CDH13: variants seen among roughly 807,000 people sequenced by gnomAD.
CDH13 encodes the protein cadherin 13.
In CDH13, 24 loss-of-function variants were observed where a neutral mutation model predicts 63.8. That is an observed-to-expected ratio of 0.38 (90% CI 0.27 to 0.53). CDH13 has a LOEUF of 0.53. CDH13 is among the 20% of genes least tolerant of loss of function. CDH13 has a pLI of 0.85. For missense variants in CDH13, 1,049 were observed against 903.1 expected, an observed-to-expected ratio of 1.16 and a Z score of -2.07; for synonymous variants, 503 against 355.3, an observed-to-expected ratio of 1.42 and a Z score of -4.67.
chr16:82,939,773 T>A (rs2042777187), intron 2 of CDH13, among the ~76,000 whole-genome samples: 1 of 152,178 alleles, frequency 6.6e-6, no homozygotes, highest in Non-Finnish European at 1.5e-5. Flanking sequence ...TAAACCCATT[T>A]CTCTAATGCT....
chr16:82,907,886 C>G (rs978512928), intron 2 of CDH13, among the ~76,000 whole-genome samples: 1 of 152,144 alleles, frequency 6.6e-6, no homozygotes, highest in East Asian at 1.9e-4. Flanking sequence ...TGAATGCAAA[C>G]CATGGGCTGA....
Position 82,918,506 on chromosome 16 carries a change from CTTT to C in CDH13, c.157+60051_157+60053del, listed in dbSNP as rs34099579. ...GGGTCAAAAGGTATGTACACTTTCA[CTTT>C]TTTTTTTTTTTTTTTTTGAGACATA... On this transcript the variant is annotated intron_variant, in intron 2 of 13. Transcript: ENST00000567109. 8.3e-3 allele frequency among the ~76,000 whole-genome samples: 998 copies of C among 119,676 alleles called. 7 individuals carry two copies. Among genetic ancestry groups the C allele is most frequent in the African/African-American group, 0.029 (948 of 32,722 alleles). The allele number at this position is 119,676 out of a possible 152,430, so 78.5% of individuals were successfully genotyped here.
chr16:82,699,241 G>C (rs1012957889), intron 1 of CDH13, among the ~76,000 whole-genome samples: 14 of 152,176 alleles, frequency 9.2e-5, no homozygotes, highest in Non-Finnish European at 1.8e-4. Context: ...AGTAGGGCCA[G>C]GGAGGGTCAC....
chr16:82,757,038 C>T (rs2034637154), intron 1 of CDH13, among the ~76,000 whole-genome samples: 1 of 152,084 alleles, frequency 6.6e-6, no homozygotes, highest in South Asian at 2.1e-4. Context: ...TGTTACTTGC[C>T]CATCAGGATC....
At chr16:82,734,707 A>ACT (rs1431849222) in intron 1 of CDH13, among the ~76,000 whole-genome samples, 2 of 152,134 alleles carry the variant, frequency 1.3e-5, no homozygotes, top group African/African-American at 2.4e-5. Context: ...AACCTTGGCC[A>ACT]CTCTCTAGGA....
At chr16:82,814,439 T>C (rs1020512618) in intron 1 of CDH13, among the ~76,000 whole-genome samples, 3 of 152,068 alleles carry the variant, frequency 2.0e-5, no homozygotes, top group African/African-American at 7.2e-5. Context: ...ACTGAGTTGA[T>C]CACCAACGGT....
intron 1 of CDH13, among the ~76,000 whole-genome samples, chr16:82,762,435 G>C (rs913499890): frequency 6.6e-6 from 1 of 152,144 alleles, no homozygotes; most frequent in South Asian, 2.1e-4. Flanking sequence ...TAGCTAAAGG[G>C]AGCTACCACA....
intron 5 of CDH13, among the ~76,000 whole-genome samples, chr16:83,329,353 G>A (rs1364684636): frequency 6.6e-6 from 1 of 151,912 alleles, no homozygotes; most frequent in African/African-American, 2.4e-5. Context: ...AGCCTCCTGA[G>A]TAGCTGTGAC....
intron 2 of CDH13, among the ~76,000 whole-genome samples, chr16:82,877,780 A>G (rs972385727): frequency 1.4e-5 from 2 of 142,472 alleles, no homozygotes; most frequent in African/African-American, 5.3e-5. Flanking sequence ...TGCTTTACAC[A>G]CAGCCACCTC....
chr16:83,141,171 C>T (rs151055328), intron 4 of CDH13, among the ~76,000 whole-genome samples: 1 of 152,196 alleles, frequency 6.6e-6, no homozygotes, highest in Non-Finnish European at 1.5e-5. Context: ...GCCGGAGGGG[C>T]TCTGGAGGTG....
intron 7 of CDH13, among the ~76,000 whole-genome samples, chr16:83,489,759 A>G (rs2073967947): frequency 6.6e-6 from 1 of 152,178 alleles, no homozygotes; most frequent in African/African-American, 2.4e-5. Flanking sequence ...GGCCTGTCTT[A>G]GGTGTGGTTT....
chr16:83,275,792 G>C (rs1161829168), intron 5 of CDH13, among the ~76,000 whole-genome samples: 1 of 152,150 alleles, frequency 6.6e-6, no homozygotes, highest in Non-Finnish European at 1.5e-5. Flanking sequence ...GAGCAAATAA[G>C]TTCCCCGGAT....
intron 1 of CDH13, among the ~76,000 whole-genome samples, chr16:82,725,888 A>G (rs926911685): frequency 3.3e-5 from 5 of 152,154 alleles, no homozygotes; most frequent in Admixed American, 6.6e-5. Flanking sequence ...CTTTCTGTTC[A>G]TAGACTTAAT....
At chr16:83,699,612 C>G (rs1257383869) in intron 10 of CDH13, among the ~76,000 whole-genome samples, 3 of 152,180 alleles carry the variant, frequency 2.0e-5, no homozygotes. Context: ...CCCAGTCCTC[C>G]CTTGGCACAC....
intron 1 of CDH13, among the ~76,000 whole-genome samples, chr16:82,794,531 G>A (rs1360546442): frequency 6.6e-6 from 1 of 151,458 alleles, no homozygotes; most frequent in African/African-American, 2.4e-5. Flanking sequence ...ACATAAAAGA[G>A]CGGTTTAATA....
intron 7 of CDH13, among the ~76,000 whole-genome samples, chr16:83,495,863 T>C (rs2074128902): frequency 6.6e-6 from 1 of 152,040 alleles, no homozygotes; most frequent in Admixed American, 6.6e-5. Context: ...ATATAACCAT[T>C]AACAGACAAA....
intron 6 of CDH13, among the ~76,000 whole-genome samples, chr16:83,424,486 T>C (rs369299727): frequency 6.6e-6 from 1 of 152,236 alleles, no homozygotes; most frequent in East Asian, 1.9e-4. Context: ...TCCCCCACTT[T>C]TGAAGCCTCT....
intron 2 of CDH13, among the ~76,000 whole-genome samples, chr16:82,872,983 A>G (rs1191285120): frequency 6.6e-6 from 1 of 152,212 alleles, no homozygotes; most frequent in Non-Finnish European, 1.5e-5. Flanking sequence ...TTGAGAACAC[A>G]GGAAAACGGC....
intron 1 of CDH13, among the ~76,000 whole-genome samples, chr16:82,693,798 A>G (rs546784041): frequency 6.6e-6 from 1 of 152,352 alleles, no homozygotes; most frequent in African/African-American, 2.4e-5. Context: ...ATTTTGCATT[A>G]TTGACCCAAG....
Sources: allele counts gnomAD v4.1 joint callset (sites outside exome capture counted in the v4.1 genomes callset), GRCh38; gene constraint gnomAD v4.1.1; transcripts MANE v1.5; gene names NCBI Gene and HGNC (gene_info 2026-07-23, HGNC 2026-07-21).